COL23A1: variants seen among roughly 807,000 people sequenced by gnomAD.
COL23A1 encodes the protein collagen alpha-1(XXIII) chain.
In COL23A1, 97 loss-of-function variants were observed where a neutral mutation model predicts 99.3. The ratio of observed to expected loss-of-function variants is 0.98; its 90% confidence interval spans 0.83 to 1.16. The LOEUF (loss-of-function observed/expected upper bound fraction) is 1.16, where lower values mean the gene tolerates loss of function less well. COL23A1 is among the 50% of genes most tolerant of loss of function. The pLI is 0.00. For missense variants in COL23A1, 762 were observed against 757.4 expected, an observed-to-expected ratio of 1.01 and a Z score of -0.07; for synonymous variants, 320 against 308.2, an observed-to-expected ratio of 1.04 and a Z score of -0.40.
In COL23A1 at chr5:178,252,597, C is replaced by T; in HGVS notation, c.961G>A (p.Gly321Arg). 1 of 1,609,510 alleles carries T rather than the reference C, an allele frequency of 6.2e-7. No homozygotes were observed. Among genetic ancestry groups the T allele is most frequent in the Non-Finnish European group, 8.5e-7 (1 of 1,178,094 alleles). Reference sequence around the variant, plus strand: ...GGGGGCCCCTGTGGTCCGGGAGGCCCCTGTGTGTGAGAGTGAAGCCGGTCA... The same window carrying T: ...GGGGGCCCCTGTGGTCCGGGAGGCCTCTGTGTGTGAGAGTGAAGCCGGTCA... ...YDGRILDALKGPPGPQGPPGP... is the reference protein window; with the variant it reads ...YDGRILDALKRPPGPQGPPGP... The change falls in exon 17 of 29, where the codon GGG (glycine) becomes AGG (arginine). Residue 321 changes from glycine (G) to arginine (R), a missense_variant and splice_region_variant. Coordinates refer to ENST00000390654, the MANE Select transcript of COL23A1 (RefSeq NM_173465.4).
At chr5:178,519,569 T>C (rs570650) in intron 2 of COL23A1, among the ~76,000 whole-genome samples, 13,166 of 152,284 alleles carry the variant, frequency 0.086, 626 homozygotes, top group Middle Eastern at 0.13. Flanking sequence ...AAATCATGAT[T>C]TTAAAATAAA....
chr5:178,318,871 T>C (rs541302758), intron 2 of COL23A1, among the ~76,000 whole-genome samples: 34 of 147,086 alleles, frequency 2.3e-4, no homozygotes, highest in Non-Finnish European at 4.8e-4. Context: ...CACTGCACTC[T>C]AGCCTGGGCG....
intron 2 of COL23A1, among the ~76,000 whole-genome samples, chr5:178,397,135 CATGG>C (rs1210493355): frequency 2.6e-5 from 4 of 152,244 alleles, no homozygotes; most frequent in African/African-American, 9.6e-5. Context: ...TCAGTGGCAG[CATGG>C]CTGGGCTGGC....
intron 2 of COL23A1, among the ~76,000 whole-genome samples, chr5:178,342,457 G>A (rs1188113833): frequency 6.6e-6 from 1 of 152,244 alleles, no homozygotes; most frequent in East Asian, 1.9e-4. Context: ...AGTCTGGGCA[G>A]TGGCTCAAAG....
rs1195914129 is a variant in COL23A1, at chr5:178,439,787, G to A, written c.361+120895C>T. ...GCGTTCTTCAAAATAGCCCCAAACT[G>A]GAAACAATCCAAGCATCCATCATCT... On this transcript the variant is annotated intron_variant, in intron 2 of 28. Coordinates refer to ENST00000390654, the MANE Select transcript of COL23A1 (RefSeq NM_173465.4). This position sits in a 1 kb window ranked among gnomAD's most constrained non-coding sequence, Gnocchi z 4.2. 1 of 152,210 alleles carries A rather than the reference G, an allele frequency of 6.6e-6. No homozygotes were observed. Among genetic ancestry groups the A allele is most frequent in the Non-Finnish European group, 1.5e-5 (1 of 68,054 alleles). The allele number at this position is 152,210 out of a possible 1,614,324, so 9.4% of individuals were successfully genotyped here.
chr5:178,273,814 C>T (rs867892272), intron 5 of COL23A1, among the ~76,000 whole-genome samples: 5 of 152,194 alleles, frequency 3.3e-5, no homozygotes, highest in African/African-American at 4.8e-5. Flanking sequence ...GAGGGGACTC[C>T]GAGGTGGGCC....
intron 3 of COL23A1, among the ~76,000 whole-genome samples, chr5:178,302,096 G>A (rs62390195): frequency 0.61 from 57,330 of 94,328 alleles, 20,303 homozygotes; most frequent in Non-Finnish European, 0.69. Context: ...GCCGGAGCAC[G>A]GCTTCAATGC....
chr5:178,356,480 A>AG (rs1266618615), intron 2 of COL23A1, among the ~76,000 whole-genome samples: 1 of 152,214 alleles, frequency 6.6e-6, no homozygotes. Flanking sequence ...AGAAGACACC[A>AG]GGATCGACTG....
chr5:178,407,789 A>G (rs1378244057), intron 2 of COL23A1, among the ~76,000 whole-genome samples: 1 of 151,094 alleles, frequency 6.6e-6, no homozygotes, highest in East Asian at 1.9e-4. Context: ...GAACAAACAG[A>G]GAGAAAATAG....
At chr5:178,404,313 A>G (rs1370584281) in intron 2 of COL23A1, among the ~76,000 whole-genome samples, 1 of 152,188 alleles carries the variant, frequency 6.6e-6, no homozygotes, top group Non-Finnish European at 1.5e-5. Flanking sequence ...ACCACAGTCC[A>G]ATAGAAGACA....
intron 2 of COL23A1, among the ~76,000 whole-genome samples, chr5:178,379,178 C>T (rs1176211686): frequency 1.3e-5 from 2 of 151,804 alleles, no homozygotes; most frequent in African/African-American, 4.8e-5. Flanking sequence ...TATTGTGTAT[C>T]TATGAGACAA....
At chr5:178,487,851 A>G (rs1005185746) in intron 2 of COL23A1, among the ~76,000 whole-genome samples, 1 of 152,224 alleles carries the variant, frequency 6.6e-6, no homozygotes, top group Non-Finnish European at 1.5e-5. Context: ...CAAGAGCCAC[A>G]TTTGAAACTG....
At chr5:178,311,509 CGTGT>C (rs958348391) in intron 2 of COL23A1, among the ~76,000 whole-genome samples, 11 of 27,228 alleles carry the variant, frequency 4.0e-4, no homozygotes, top group Admixed American at 1.7e-3. Flanking sequence ...TGTGTGTGCG[CGTGT>C]GTGTGTGTGT....
At position 178,365,990 on chromosome 5, in the gene COL23A1, T is replaced by C. The variant is rs1762454040; in HGVS notation, c.362-59071A>G. 6.6e-6 allele frequency among the ~76,000 whole-genome samples: 1 copy of C among 152,086 alleles called. No individual in the cohort carries two copies. The highest frequency in any genetic ancestry group is 1.5e-5 in the Non-Finnish European group (1 of 68,006). On this transcript the variant is annotated intron_variant, in intron 2 of 28. Coordinates refer to ENST00000390654, the MANE Select transcript of COL23A1 (RefSeq NM_173465.4). This position sits in a 1 kb window ranked among gnomAD's most constrained non-coding sequence, Gnocchi z 5.2. ...AAGCCCCACTCCAGCCCTCCTCAAG[T>C]GGGTCACTCCTCACGGCCTGTGAGT... is the stretch of plus-strand genomic sequence containing the variant.
intron 2 of COL23A1, among the ~76,000 whole-genome samples, chr5:178,406,649 T>G (rs1289004132): frequency 1.3e-5 from 2 of 152,036 alleles, no homozygotes; most frequent in Non-Finnish European, 2.9e-5. Context: ...AGGCTAGTCT[T>G]GAACTCCTGA....
intron 2 of COL23A1, among the ~76,000 whole-genome samples, chr5:178,485,269 C>T (rs1340833195): frequency 1.3e-4 from 19 of 150,852 alleles, no homozygotes; most frequent in South Asian, 2.1e-4. Context: ...CTCAGGAGTT[C>T]GAGACCAGCC....
At chr5:178,312,943 C>A (rs559076027) in intron 2 of COL23A1, among the ~76,000 whole-genome samples, 1 of 152,312 alleles carries the variant, frequency 6.6e-6, no homozygotes, top group Admixed American at 6.5e-5. Flanking sequence ...GTGGAAGCAA[C>A]CCAAACGTCC....
intron 2 of COL23A1, among the ~76,000 whole-genome samples, chr5:178,542,386 G>A (rs1761340766): frequency 6.6e-6 from 1 of 152,128 alleles, no homozygotes; most frequent in African/African-American, 2.4e-5. Context: ...GACATCAGAG[G>A]TACTGATAAG....
In COL23A1 at chr5:178,313,198, G is replaced by A. The variant is rs1581134647; in HGVS notation, c.362-6279C>T. Reference sequence around the variant, plus strand: ...GTGCCATCGGTGGGCTGGGCTAGGGGAGGCGAGACTGGGAAGTCGGTGGGC... The same window carrying A: ...GTGCCATCGGTGGGCTGGGCTAGGGAAGGCGAGACTGGGAAGTCGGTGGGC... On this transcript the variant is annotated intron_variant, in intron 2 of 28. Coordinates refer to ENST00000390654, the MANE Select transcript of COL23A1 (RefSeq NM_173465.4). This position sits in a 1 kb window ranked among gnomAD's most constrained non-coding sequence, Gnocchi z 4.2. 1.3e-5 allele frequency among the ~76,000 whole-genome samples: 2 copies of A among 152,302 alleles called. No homozygotes were observed. Among genetic ancestry groups the A allele is most frequent in the African/African-American group, 2.4e-5 (1 of 41,578 alleles).
Sources: allele counts gnomAD v4.1 joint callset (sites outside exome capture counted in the v4.1 genomes callset), GRCh38; gene constraint gnomAD v4.1.1; non-coding constraint Gnocchi (gnomAD v3.1); transcripts MANE v1.5; gene names NCBI Gene and HGNC (gene_info 2026-07-23, HGNC 2026-07-21).